The following DOCK7 variants were observed in gnomAD, a reference collection of about 807,000 sequenced individuals.
DOCK7 encodes dedicator of cytokinesis protein 7.
Under a neutral mutation model 271.0 loss-of-function variants are expected in DOCK7, and 138 were observed. The observed-to-expected ratio is 0.51, with a 90% CI of 0.44 to 0.59. The LOEUF is 0.59. Ranked by LOEUF, DOCK7 falls within the 20% of genes least tolerant of loss-of-function variation. The pLI, the probability that DOCK7 is intolerant of heterozygous loss-of-function variation, is 0.00. For synonymous variants in DOCK7, 823 were observed against 876.1 expected (o/e 0.94, Z 1.07); for missense variants, 2,066 against 2,592.4 (o/e 0.80, Z 4.41).
intron 1 of DOCK7, among the ~76,000 whole-genome samples, chr1:62,679,673 C>T (rs1208823201): frequency 6.6e-6 from 1 of 152,128 alleles, no homozygotes; most frequent in East Asian, 1.9e-4. Flanking sequence ...TGTAAAGCAA[C>T]ATTGTTGTGA....
chr1:62,655,647 G>C (rs1487640768), intron 2 of DOCK7, among the ~76,000 whole-genome samples: 1 of 151,974 alleles, frequency 6.6e-6, no homozygotes, highest in Non-Finnish European at 1.5e-5. Flanking sequence ...GCTAACTTTG[G>C]AACTCCTGAG....
At chr1:62,495,497 T>C in intron 39 of DOCK7, 84 bp downstream of exon 39, 3 of 767,954 alleles carry the variant, frequency 3.9e-6, no homozygotes, top group African/African-American at 1.8e-5. Context: ...ATCATTTTTG[T>C]GTGTTTATTT....
At chr1:62,520,048 A>G (rs1038155399) in intron 31 of DOCK7, among the ~76,000 whole-genome samples, 1 of 152,234 alleles carries the variant, frequency 6.6e-6, no homozygotes, top group African/African-American at 2.4e-5. Flanking sequence ...GCCTAGCCAT[A>G]TGCAGAAAAC....
chr1:62,682,906 T>A (rs1661332379), intron 1 of DOCK7, among the ~76,000 whole-genome samples: 1 of 152,056 alleles, frequency 6.6e-6, no homozygotes, highest in South Asian at 2.1e-4. Flanking sequence ...CTGAGAGAGG[T>A]GGCAAGAGAG....
chr1:62,600,301 T>C (rs1210883710), intron 14 of DOCK7, among the ~76,000 whole-genome samples: 1 of 151,572 alleles, frequency 6.6e-6, no homozygotes, highest in Non-Finnish European at 1.5e-5. Flanking sequence ...AAAACAAAAC[T>C]CTAAAAATTT....
chr1:62,578,106 T>C (rs372503895), intron 17 of DOCK7, among the ~76,000 whole-genome samples: 9 of 152,180 alleles, frequency 5.9e-5, no homozygotes, highest in African/African-American at 2.2e-4. Flanking sequence ...GTATTTTTGG[T>C]AGAGATGGGG....
At chr1:62,661,317 T>A (rs1658637163) in intron 2 of DOCK7, among the ~76,000 whole-genome samples, 1 of 152,004 alleles carries the variant, frequency 6.6e-6, no homozygotes, top group African/African-American at 2.4e-5. Context: ...AGGGTTTCAG[T>A]ATGGGATAAT....
chr1:62,540,169 A>T (rs984343866), intron 25 of DOCK7, among the ~76,000 whole-genome samples: 4 of 145,224 alleles, frequency 2.8e-5, no homozygotes, highest in Non-Finnish European at 6.1e-5. Context: ...CAACCTTTAA[A>T]TTTTTTTTTT....
chr1:62,518,339 A>C (rs1289192728), intron 31 of DOCK7, among the ~76,000 whole-genome samples: 1 of 152,150 alleles, frequency 6.6e-6, no homozygotes, highest in African/African-American at 2.4e-5. Flanking sequence ...TGGGAGGTTG[A>C]GGTGGGTGGA....
At chr1:62,504,832 C>G (rs1338116913) in intron 36 of DOCK7, 50 bp from the exon 37 acceptor site, 1 of 1,590,826 alleles carries the variant, frequency 6.3e-7, no homozygotes, top group East Asian at 2.3e-5. Flanking sequence ...GTAAAAGTTT[C>G]TGAGATATGT....
intron 1 of DOCK7, among the ~76,000 whole-genome samples, chr1:62,664,288 C>G (rs1442663996): frequency 1.3e-5 from 2 of 152,066 alleles, no homozygotes; most frequent in African/African-American, 4.8e-5. Context: ...GTGGGAGGGA[C>G]CCTGTGAGAG....
chr1:62,637,330 T>C (rs1655401565), intron 7 of DOCK7, among the ~76,000 whole-genome samples: 1 of 152,202 alleles, frequency 6.6e-6, no homozygotes, highest in Non-Finnish European at 1.5e-5. Context: ...AGTAAACATC[T>C]AGTAAATATT....
At chr1:62,531,097 TC>T (rs1645161510) in intron 29 of DOCK7, among the ~76,000 whole-genome samples, 1 of 152,202 alleles carries the variant, frequency 6.6e-6, no homozygotes, top group Non-Finnish European at 1.5e-5. Context: ...TATATTCTCT[TC>T]TCAGGATTTT....
At chr1:62,673,310 A>T (rs1660209079) in intron 1 of DOCK7, among the ~76,000 whole-genome samples, 1 of 152,192 alleles carries the variant, frequency 6.6e-6, no homozygotes, top group African/African-American at 2.4e-5. Context: ...TATTTTGGGG[A>T]TAACATTACT....
chr1:62,597,927 A>G, intron 14 of DOCK7: 3 of 1,550,670 alleles, frequency 1.9e-6, no homozygotes, highest in Non-Finnish European at 2.6e-6. Context: ...ACTTGAACTC[A>G]ACTCAAAACT....
intron 14 of DOCK7, chr1:62,601,779 T>C: frequency 6.2e-7 from 1 of 1,606,746 alleles, no homozygotes; most frequent in Non-Finnish European, 8.5e-7. Context: ...GCATTCCTGC[T>C]GAATGTACCA....
At chr1:62,516,572 G>C (rs549520644) in intron 31 of DOCK7, among the ~76,000 whole-genome samples, 26 of 152,312 alleles carry the variant, frequency 1.7e-4, no homozygotes, top group African/African-American at 6.0e-4. Flanking sequence ...ATGAGGAAGA[G>C]GTCCCAGAGT....
At chr1:62,511,773 G>T (rs1372266437) in intron 33 of DOCK7, among the ~76,000 whole-genome samples, 16 of 151,520 alleles carry the variant, frequency 1.1e-4, no homozygotes. Context: ...AAAACAAAAA[G>T]ATATGCCTAT....
At chr1:62,614,080 A>G (rs1372478584) in intron 14 of DOCK7, among the ~76,000 whole-genome samples, 1 of 152,118 alleles carries the variant, frequency 6.6e-6, no homozygotes, top group Non-Finnish European at 1.5e-5. Flanking sequence ...GACCACTGGT[A>G]TGTATTATCA....
Sources: allele counts gnomAD v4.1 joint callset (sites outside exome capture counted in the v4.1 genomes callset), GRCh38; gene constraint gnomAD v4.1.1; transcripts MANE v1.5; gene names NCBI Gene and HGNC (gene_info 2026-07-23, HGNC 2026-07-21).